Variants in PTPRD observed in about 807,000 individuals in gnomAD.
PTPRD encodes receptor-type tyrosine-protein phosphatase delta.
Under a neutral mutation model 214.5 loss-of-function variants are expected in PTPRD, and 34 were observed. That is an observed-to-expected ratio of 0.16 (90% CI 0.12 to 0.21). The LOEUF (loss-of-function observed/expected upper bound fraction) is 0.21, where lower values mean the gene tolerates loss of function less well. Among genes scored for constraint, PTPRD ranks in the 10% least tolerant of loss-of-function variants. The probability of loss-of-function intolerance (pLI) is 1.00; values close to 1 mark genes in which losing one functional copy is unlikely to be tolerated. For synonymous variants in PTPRD, 1,128 were observed against 845.7 expected, an observed-to-expected ratio of 1.33 and a Z score of -5.79; for missense variants, 2,545 against 2,398.7, an observed-to-expected ratio of 1.06 and a Z score of -1.27.
At chr9:9,191,886 G>A (rs546070167) in intron 9 of PTPRD, among the ~76,000 whole-genome samples, 32 of 152,166 alleles carry the variant, frequency 2.1e-4, no homozygotes, top group Admixed American at 5.9e-4. Context: ...GGTATTTTGT[G>A]TCTCTTTGAT....
At chr9:9,224,134 T>C (rs78640479) in intron 9 of PTPRD, among the ~76,000 whole-genome samples, 2 of 151,884 alleles carry the variant, frequency 1.3e-5, no homozygotes, top group Admixed American at 6.6e-5. Context: ...TTCTTACAAA[T>C]GAGGAAGTTG....
At chr9:10,231,587 C>T (rs374583111) in intron 3 of PTPRD, among the ~76,000 whole-genome samples, 4 of 151,764 alleles carry the variant, frequency 2.6e-5, no homozygotes, top group Non-Finnish European at 5.9e-5. Flanking sequence ...CACATGCATG[C>T]GTGAACCTGT....
At chr9:9,977,630 A>C (rs2095405005) in intron 4 of PTPRD, among the ~76,000 whole-genome samples, 1 of 152,140 alleles carries the variant, frequency 6.6e-6, no homozygotes, top group Non-Finnish European at 1.5e-5. Flanking sequence ...ACGCAATAAA[A>C]ATTGCCATGA....
chr9:10,292,200 G>C (rs2095546795), intron 3 of PTPRD, among the ~76,000 whole-genome samples: 2 of 151,904 alleles, frequency 1.3e-5, no homozygotes, highest in Admixed American at 1.3e-4. Context: ...AAGATACTGA[G>C]GAGACATGTT....
intron 14 of PTPRD, among the ~76,000 whole-genome samples, chr9:8,586,587 C>T (rs2093674232): frequency 6.6e-6 from 1 of 152,126 alleles, no homozygotes; most frequent in African/African-American, 2.4e-5. Flanking sequence ...GTTGAGGCCC[C>T]CACAACACAG....
chr9:8,502,128 A>C (rs944473956), intron 23 of PTPRD, among the ~76,000 whole-genome samples: 1 of 152,132 alleles, frequency 6.6e-6, no homozygotes, highest in African/African-American at 2.4e-5. Context: ...CTGAGCAATC[A>C]TTTTCCATCA....
intron 2 of PTPRD, among the ~76,000 whole-genome samples, chr9:10,509,858 A>G (rs377611412): frequency 6.6e-6 from 1 of 151,848 alleles, no homozygotes; most frequent in Non-Finnish European, 1.5e-5. Context: ...ATACAGGTAT[A>G]TATTTATTCC....
At chr9:10,540,157 G>A (rs946698131) in intron 2 of PTPRD, among the ~76,000 whole-genome samples, 3 of 152,076 alleles carry the variant, frequency 2.0e-5, no homozygotes, top group Non-Finnish European at 2.9e-5. Flanking sequence ...AGCCTCCAGA[G>A]TAGTTGGGAC....
At chr9:9,391,955 CATTGTTAGTCTGTAAATGA>C (rs2065986252) in intron 9 of PTPRD, among the ~76,000 whole-genome samples, 1 of 152,102 alleles carries the variant, frequency 6.6e-6, no homozygotes, top group South Asian at 2.1e-4. Context: ...CAATTTTCCA[CATTGTTAGTCTGTAAATGA>C]TGAGAGTAGG....
At chr9:10,087,061 GATAA>G (rs2098352703) in intron 3 of PTPRD, among the ~76,000 whole-genome samples, 1 of 150,394 alleles carries the variant, frequency 6.6e-6, no homozygotes, top group African/African-American at 2.4e-5. Context: ...AAATTTCTGG[GATAA>G]ATATTTTTAA....
intron 4 of PTPRD, among the ~76,000 whole-genome samples, chr9:9,965,042 T>A (rs139637036): frequency 1.3e-5 from 2 of 152,172 alleles, no homozygotes; most frequent in Admixed American, 1.3e-4. Flanking sequence ...CAATGTGTAA[T>A]AAATTAAGTC....
At chr9:10,121,184 A>C (rs1427318908) in intron 3 of PTPRD, among the ~76,000 whole-genome samples, 3 of 152,164 alleles carry the variant, frequency 2.0e-5, no homozygotes. Context: ...ATTTAATCCA[A>C]TCACTGCTTT....
At position 8,341,819 on chromosome 9, in the gene PTPRD, A is replaced by C; in HGVS notation, c.4821T>G (p.Asp1607Glu). 1 of 1,613,640 alleles carries C rather than the reference A, an allele frequency of 6.2e-7. No homozygotes were observed. The highest frequency in any genetic ancestry group is 8.5e-7 in the Non-Finnish European group (1 of 1,179,732). ...CACAAGTCACTGCTTCTAACAGTGCATCATGGATAAAGATGTATTGGTCTT... is the reference window on the plus strand; with the variant it reads ...CACAAGTCACTGCTTCTAACAGTGCCTCATGGATAAAGATGTATTGGTCTT... Reference protein sequence around the residue: ...QTEDQYIFIHDALLEAVTCGN... With the variant: ...QTEDQYIFIHEALLEAVTCGN... The change falls in exon 40 of 46, where the codon GAT (aspartate) becomes GAG (glutamate). Residue 1607 changes from aspartate to glutamate, a missense_variant. Transcript: ENST00000381196.
chr9:10,268,437 T>A (rs1367678700), intron 3 of PTPRD, among the ~76,000 whole-genome samples: 1 of 152,076 alleles, frequency 6.6e-6, no homozygotes, highest in African/African-American at 2.4e-5. Context: ...GATTTAAATA[T>A]ATAGTTTCAG....
intron 12 of PTPRD, among the ~76,000 whole-genome samples, chr9:8,731,000 G>C (rs2098651539): frequency 6.6e-6 from 1 of 152,126 alleles, no homozygotes; most frequent in Non-Finnish European, 1.5e-5. Flanking sequence ...AATAATAGTG[G>C]ATATACAAGG....
chr9:9,898,413 C>A (rs952401409), intron 5 of PTPRD, among the ~76,000 whole-genome samples: 1 of 151,978 alleles, frequency 6.6e-6, no homozygotes, highest in Non-Finnish European at 1.5e-5. Context: ...AGGACTCACA[C>A]CTGTTCATTT....
chr9:10,403,385 TTTAG>T (rs2098308124), intron 2 of PTPRD, among the ~76,000 whole-genome samples: 1 of 150,592 alleles, frequency 6.6e-6, no homozygotes, highest in African/African-American at 2.4e-5. Flanking sequence ...ATTTTGAAAT[TTTAG>T]TTAATTAATT....
intron 11 of PTPRD, among the ~76,000 whole-genome samples, chr9:8,913,839 G>C (rs772718216): frequency 6.6e-6 from 1 of 152,060 alleles, no homozygotes; most frequent in Non-Finnish European, 1.5e-5. Context: ...ACCTGCTTTG[G>C]GGGTAGATAG....
intron 14 of PTPRD, among the ~76,000 whole-genome samples, chr9:8,572,461 G>A (rs2091414551): frequency 6.6e-6 from 1 of 151,798 alleles, no homozygotes; most frequent in Non-Finnish European, 1.5e-5. Context: ...ATGACTTCAG[G>A]GAAACTCTTC....
Sources: gnomAD v4.1 joint callset for allele counts (sites outside exome capture counted in the v4.1 genomes callset) on GRCh38, gnomAD v4.1.1 for gene constraint, MANE v1.5 for transcripts, NCBI Gene and HGNC (gene_info 2026-07-23, HGNC 2026-07-21) for gene names.